The following NAV2 variants were observed in gnomAD, a reference collection of about 807,000 sequenced individuals.
NAV2 encodes the protein helicase, APC down-regulated 1.
NAV2 carries 54 observed loss-of-function variants against 223.2 expected under a neutral mutation model. That is an observed-to-expected ratio of 0.24 (90% CI 0.19 to 0.30). The LOEUF (loss-of-function observed/expected upper bound fraction) is 0.30, where lower values mean the gene tolerates loss of function less well. Ranked by LOEUF, NAV2 falls within the 10% of genes least tolerant of loss-of-function variation. The pLI, the probability that NAV2 is intolerant of heterozygous loss-of-function variation, is 1.00. For synonymous variants in NAV2, 1,279 were observed against 1,239.3 expected (o/e 1.03, Z -0.67); for missense variants, 2,806 against 3,147.5 (o/e 0.89, Z 2.60).
At chr11:19,556,431 G>T (rs913702199) in intron 1 of NAV2, among the ~76,000 whole-genome samples, 1 of 152,218 alleles carries the variant, frequency 6.6e-6, no homozygotes, top group Non-Finnish European at 1.5e-5. Flanking sequence ...AGAGTGGCAG[G>T]AAAATCTGAA....
At chr11:19,486,841 G>GAA (rs1490802313) in intron 1 of NAV2, among the ~76,000 whole-genome samples, 1 of 152,188 alleles carries the variant, frequency 6.6e-6, no homozygotes, top group Non-Finnish European at 1.5e-5. Context: ...AGGAATGAAT[G>GAA]GGTAGTTCTT....
intron 26 of NAV2, among the ~76,000 whole-genome samples, chr11:20,089,841 A>C (rs1384557269): frequency 6.6e-6 from 1 of 152,196 alleles, no homozygotes; most frequent in Non-Finnish European, 1.5e-5. Context: ...TAAGGAGCCT[A>C]AGCTAGAAGA....
chr11:19,500,659 A>G (rs1204422015), intron 1 of NAV2, among the ~76,000 whole-genome samples: 1 of 152,224 alleles, frequency 6.6e-6, no homozygotes, highest in African/African-American at 2.4e-5. Context: ...TGAACAGAGT[A>G]TAATTGACTG....
intron 1 of NAV2, chr11:19,714,443 C>T (rs1311297057): frequency 2.2e-6 from 1 of 457,322 alleles, no homozygotes; most frequent in African/African-American, 2.0e-5. Flanking sequence ...AAAAGGGGAT[C>T]GCGGGTGGCA....
chr11:20,065,617 AG>A (rs1202028900), intron 20 of NAV2, among the ~76,000 whole-genome samples: 5 of 152,160 alleles, frequency 3.3e-5, no homozygotes, highest in African/African-American at 1.2e-4. Flanking sequence ...AACAGCGGCA[AG>A]GGGGGCAAGA....
intron 1 of NAV2, among the ~76,000 whole-genome samples, chr11:19,635,763 G>A (rs532621393): frequency 1.3e-4 from 20 of 152,242 alleles, no homozygotes; most frequent in Admixed American, 1.0e-3. Context: ...ATAAACTCTC[G>A]TGACCCAAAC....
chr11:19,383,737 A>G (rs1187738962), intron 1 of NAV2, among the ~76,000 whole-genome samples: 2 of 152,262 alleles, frequency 1.3e-5, no homozygotes, highest in African/African-American at 4.8e-5. Context: ...CATCAGAAGT[A>G]ATTCAGCCAA....
intron 1 of NAV2, among the ~76,000 whole-genome samples, chr11:19,761,883 A>G (rs189667322): frequency 3.2e-4 from 49 of 152,304 alleles, no homozygotes; most frequent in Non-Finnish European, 6.5e-4. Context: ...GGTCCAAACC[A>G]TCTGCATCCT....
At chr11:19,750,213 G>A (rs2053692589) in intron 1 of NAV2, among the ~76,000 whole-genome samples, 1 of 152,142 alleles carries the variant, frequency 6.6e-6, no homozygotes, top group Non-Finnish European at 1.5e-5. Context: ...CTCACCCCCA[G>A]TTTTATCAAC....
chr11:19,594,704 G>A (rs184811929), intron 1 of NAV2, among the ~76,000 whole-genome samples: 1 of 152,218 alleles, frequency 6.6e-6, no homozygotes, highest in African/African-American at 2.4e-5. Context: ...GGAGAACAGG[G>A]GCATTGGTAA....
rs546115448 is a variant in NAV2 at position 20,119,576 on chromosome 11, C to G, written c.*1318C>G. The G allele has an allele frequency of 1.7e-4, 26 of 152,822 alleles. No individual in the cohort carries two copies. The highest frequency in any genetic ancestry group is 6.0e-4 in the African/African-American group (25 of 41,576). 9.5% of individuals were successfully genotyped at this position (152,822 alleles called of 1,614,324 possible). ...GGTCACTCCCTCCCAGAAGCCCCGT[C>G]TGGACGAGCCTTGCCTGACCTCTTC... On this transcript the variant is annotated 3_prime_UTR_variant, in exon 38 of 38. Coordinates refer to ENST00000349880, the MANE Select transcript of NAV2 (RefSeq NM_145117.5).
rs571772383 is a variant in NAV2, at chr11:19,651,141, T to C, written c.76-181343T>C. On this transcript the variant is annotated intron_variant, in intron 1 of 37. Transcript: ENST00000360655. ...CTGAGTCTCCGTTCAAGGTAGCTCT[T>C]GGGAGAAGAAAAAAAACACCCCACT... Among the ~76,000 whole-genome samples the C allele has an allele frequency of 3.3e-5, 5 of 152,238 alleles. No individual in the cohort carries two copies. The East Asian group carries it at 5.8e-4, about 18-fold the overall frequency.
intron 8 of NAV2, among the ~76,000 whole-genome samples, chr11:19,945,613 G>A (rs552436569): frequency 4.6e-5 from 7 of 152,266 alleles, no homozygotes; most frequent in African/African-American, 1.4e-4. Context: ...CTAAATGCTG[G>A]GATTATAGGC....
chr11:19,427,235 G>A (rs1255537873), intron 1 of NAV2, among the ~76,000 whole-genome samples: 1 of 152,242 alleles, frequency 6.6e-6, no homozygotes, highest in Non-Finnish European at 1.5e-5. Flanking sequence ...CCTGCAGAAA[G>A]AGGATGGCAA....
At chr11:20,084,111 T>G (rs186683572) in intron 26 of NAV2, among the ~76,000 whole-genome samples, 19 of 152,318 alleles carry the variant, frequency 1.2e-4, no homozygotes, top group Admixed American at 4.6e-4. Context: ...TTTGGTTTTG[T>G]TTTTGAGATG....
intron 1 of NAV2, among the ~76,000 whole-genome samples, chr11:19,562,491 T>C (rs1435272080): frequency 6.6e-6 from 1 of 152,176 alleles, no homozygotes; most frequent in Non-Finnish European, 1.5e-5. Flanking sequence ...TGTTTTTGAC[T>C]CTTCATATTT....
Position 19,832,506 on chromosome 11 carries a change from A to G in NAV2, c.290A>G (p.His97Arg). 6.2e-7 allele frequency: 1 copy of G among 1,614,052 alleles called. No homozygotes were observed. Among genetic ancestry groups the G allele is most frequent in the Non-Finnish European group, 8.5e-7 (1 of 1,180,024 alleles). ...CAGATCTACACAGACTGGGCCAATC[A>G]TTACCTAGCCAAATCCGGCCACAAG... ...DTQIYTDWAN[H>R]YLAKSGHKRL... Residue 97 changes from histidine (H) to arginine (R), a missense_variant, in exon 2 of 38, where the codon CAT becomes CGT. His to Arg is a conservative substitution (Grantham distance 29). This residue lies in a region of NAV2 where 1,167 missense variants were observed against 1,180.5 expected (regional missense o/e 0.99). Transcript: ENST00000349880.
chr11:19,509,643 G>A (rs1258415399), intron 1 of NAV2, among the ~76,000 whole-genome samples: 1 of 152,212 alleles, frequency 6.6e-6, no homozygotes, highest in Non-Finnish European at 1.5e-5. Flanking sequence ...AATGCAATCA[G>A]CAGCAGCAGG....
intron 36 of NAV2, among the ~76,000 whole-genome samples, chr11:20,108,960 T>G (rs974853894): frequency 1.3e-5 from 2 of 152,188 alleles, no homozygotes; most frequent in African/African-American, 4.8e-5. Context: ...TTCCAAGAGT[T>G]TTTTTGTTTC....
Sources: allele counts gnomAD v4.1 joint callset (sites outside exome capture counted in the v4.1 genomes callset), GRCh38; gene constraint gnomAD v4.1.1; regional missense constraint gnomAD v4.1.1; transcripts MANE v1.5; gene names NCBI Gene and HGNC (gene_info 2026-07-23, HGNC 2026-07-21).